PTPRD: variants seen among roughly 807,000 people sequenced by gnomAD.
PTPRD encodes the protein receptor-type tyrosine-protein phosphatase delta.
Under a neutral mutation model 214.5 loss-of-function variants are expected in PTPRD, and 34 were observed. That is an observed-to-expected ratio of 0.16 (90% CI 0.12 to 0.21). The LOEUF (loss-of-function observed/expected upper bound fraction) is 0.21, where lower values mean the gene tolerates loss of function less well. Among genes scored for constraint, PTPRD ranks in the 10% least tolerant of loss-of-function variants. PTPRD has a pLI of 1.00. For synonymous variants in PTPRD, 1,128 were observed against 845.7 expected (o/e 1.33, Z -5.79); for missense variants, 2,545 against 2,398.7 (o/e 1.06, Z -1.27).
intron 2 of PTPRD, among the ~76,000 whole-genome samples, chr9:10,490,462 C>G (rs1382606302): frequency 6.6e-6 from 1 of 152,166 alleles, no homozygotes; most frequent in Non-Finnish European, 1.5e-5. Flanking sequence ...AGTAACCATT[C>G]TATTACATGC....
chr9:9,199,776 C>T (rs1043061058), intron 9 of PTPRD, among the ~76,000 whole-genome samples: 4 of 150,550 alleles, frequency 2.7e-5, no homozygotes, highest in Admixed American at 1.3e-4. Context: ...ATTAGAAACA[C>T]GCTAAAGTAA....
intron 11 of PTPRD, among the ~76,000 whole-genome samples, chr9:8,740,728 G>C (rs925862862): frequency 4.0e-5 from 6 of 151,340 alleles, no homozygotes; most frequent in Non-Finnish European, 7.4e-5. Flanking sequence ...CCCTAAACAT[G>C]TTTTTATGAC....
chr9:10,582,275 A>C (rs1334939112), intron 2 of PTPRD, among the ~76,000 whole-genome samples: 1 of 152,012 alleles, frequency 6.6e-6, no homozygotes, highest in East Asian at 1.9e-4. Flanking sequence ...TCTATACCGG[A>C]CCTTGTTTTT....
chr9:10,127,395 A>T (rs1029592334), intron 3 of PTPRD, among the ~76,000 whole-genome samples: 1 of 152,222 alleles, frequency 6.6e-6, no homozygotes, highest in Non-Finnish European at 1.5e-5. Context: ...TACAAATTGA[A>T]TTAATATTCT....
intron 3 of PTPRD, among the ~76,000 whole-genome samples, chr9:10,082,707 T>C (rs2098260461): frequency 6.6e-6 from 1 of 151,682 alleles, no homozygotes; most frequent in Admixed American, 6.6e-5. Flanking sequence ...GCTGACAAAC[T>C]AAATATGTTG....
intron 11 of PTPRD, among the ~76,000 whole-genome samples, chr9:8,787,515 G>A (rs62528841): frequency 6.6e-6 from 1 of 151,974 alleles, no homozygotes; most frequent in Non-Finnish European, 1.5e-5. Flanking sequence ...GGACAGGGGT[G>A]TACACAATAA....
chr9:10,025,286 G>A (rs10809015), intron 4 of PTPRD, among the ~76,000 whole-genome samples: 2 of 151,510 alleles, frequency 1.3e-5, no homozygotes, highest in African/African-American at 4.8e-5. Context: ...ATCCTCTCCA[G>A]CATCTGTTGT....
chr9:10,165,366 G>A (rs181595566), intron 3 of PTPRD, among the ~76,000 whole-genome samples: 3 of 151,792 alleles, frequency 2.0e-5, no homozygotes, highest in Non-Finnish European at 3.0e-5. Context: ...CCACAGCTAA[G>A]AATCACCAAA....
At chr9:10,033,267 A>G (rs1182588690) in intron 4 of PTPRD, among the ~76,000 whole-genome samples, 3 of 151,908 alleles carry the variant, frequency 2.0e-5, no homozygotes, top group Non-Finnish European at 4.4e-5. Flanking sequence ...GAAACAATGC[A>G]TTGAAACATA....
At chr9:8,590,212 T>C (rs2093993318) in intron 14 of PTPRD, among the ~76,000 whole-genome samples, 1 of 152,164 alleles carries the variant, frequency 6.6e-6, no homozygotes, top group Non-Finnish European at 1.5e-5. Flanking sequence ...TAGACTTCCT[T>C]AAGCTAGGGT....
chr9:10,182,273 A>AAAAAAAAAGAAAAG (rs2099300847), intron 3 of PTPRD, among the ~76,000 whole-genome samples: 1 of 150,634 alleles, frequency 6.6e-6, no homozygotes, highest in Non-Finnish European at 1.5e-5. Context: ...AAAAAAAAAA[A>AAAAAAAAAGAAAAG]AAAAAAGAAA....
chr9:9,078,093 C>A (rs1005652331), intron 10 of PTPRD, among the ~76,000 whole-genome samples: 1 of 152,096 alleles, frequency 6.6e-6, no homozygotes, highest in East Asian at 1.9e-4. Flanking sequence ...CTTCATATAA[C>A]ATTTGAGTCC....
Position 8,341,673 on chromosome 9 carries a change from C to A in PTPRD, c.4947+20G>T. On this transcript the variant is annotated intron_variant, in intron 40 of 45. Transcript: ENST00000381196. Reference sequence around the variant, plus strand: ...AGAATGACTTGCTCCTGAATAACCACATCACATCCAATACCATACCTTAAA... The same window carrying A: ...AGAATGACTTGCTCCTGAATAACCAAATCACATCCAATACCATACCTTAAA... 1 of 1,610,214 alleles carries A rather than the reference C, an allele frequency of 6.2e-7. No homozygotes were observed. The highest frequency in any genetic ancestry group is 1.1e-5 in the South Asian group (1 of 90,612).
chr9:8,781,210 AG>A (rs1299383939), intron 11 of PTPRD, among the ~76,000 whole-genome samples: 4 of 152,200 alleles, frequency 2.6e-5, no homozygotes, highest in Admixed American at 2.6e-4. Context: ...TATCATCGGC[AG>A]GGGGCAATCA....
intron 5 of PTPRD, among the ~76,000 whole-genome samples, chr9:9,889,905 T>A (rs2072623571): frequency 6.6e-6 from 1 of 152,006 alleles, no homozygotes; most frequent in Admixed American, 6.6e-5. Context: ...CAGTACATGG[T>A]ACTTCCCTGT....
chr9:10,171,382 G>T (rs544866758), intron 3 of PTPRD, among the ~76,000 whole-genome samples: 1 of 151,712 alleles, frequency 6.6e-6, no homozygotes, highest in African/African-American at 2.4e-5. Flanking sequence ...AAACCCTTTC[G>T]CTTGGCTCTC....
At chr9:8,658,502 C>G (rs1337802) in intron 12 of PTPRD, among the ~76,000 whole-genome samples, 1 of 152,008 alleles carries the variant, frequency 6.6e-6, no homozygotes, top group African/African-American at 2.4e-5. Flanking sequence ...AGATATTTTT[C>G]TATTAGTACC....
At chr9:9,934,042 C>T (rs949098314) in intron 5 of PTPRD, among the ~76,000 whole-genome samples, 9 of 149,258 alleles carry the variant, frequency 6.0e-5, no homozygotes, top group South Asian at 2.1e-4. Context: ...AGAACAAAGA[C>T]ACAACATACC....
chr9:9,521,598 T>C (rs886486484), intron 8 of PTPRD, among the ~76,000 whole-genome samples: 1 of 152,162 alleles, frequency 6.6e-6, no homozygotes, highest in African/African-American at 2.4e-5. Flanking sequence ...ATCACTGTTT[T>C]CCTGAACAGG....
Sources: gnomAD v4.1 joint callset for allele counts (sites outside exome capture counted in the v4.1 genomes callset) on GRCh38, gnomAD v4.1.1 for gene constraint, MANE v1.5 for transcripts, NCBI Gene and HGNC (gene_info 2026-07-23, HGNC 2026-07-21) for gene names.